Variants in CRYBG1 observed in about 807,000 individuals in gnomAD.
CRYBG1 encodes the protein beta/gamma crystallin domain-containing protein 1.
Under a neutral mutation model 189.2 loss-of-function variants are expected in CRYBG1, and 139 were observed. The ratio of observed to expected loss-of-function variants is 0.73; its 90% CI spans 0.64 to 0.85. The LOEUF (loss-of-function observed/expected upper bound fraction) is 0.85, where lower values mean the gene tolerates loss of function less well. CRYBG1 is among the 40% of genes least tolerant of loss of function. The pLI is 0.00. For synonymous variants in CRYBG1, 1,023 were observed against 1,017.1 expected, an observed-to-expected ratio of 1.01 and a Z score of -0.11; for missense variants, 2,611 against 2,675.8, an observed-to-expected ratio of 0.98 and a Z score of 0.53.
intron 8 of CRYBG1, among the ~76,000 whole-genome samples, chr6:106,538,001 G>C (rs76842459): frequency 0.021 from 3,167 of 152,176 alleles, 112 homozygotes; most frequent in African/African-American, 0.071. Flanking sequence ...AAGAGGGAGG[G>C]GTCAGACCCG....
intron 21 of CRYBG1, among the ~76,000 whole-genome samples, chr6:106,567,918 C>T (rs1026853577): frequency 1.8e-4 from 27 of 152,184 alleles, no homozygotes; most frequent in African/African-American, 6.5e-4. Flanking sequence ...AGTGACAATG[C>T]TACCGCGTCC....
At chr6:106,444,776 G>A (rs115406261) in intron 1 of CRYBG1, among the ~76,000 whole-genome samples, 1,901 of 152,246 alleles carry the variant, frequency 0.012, 33 homozygotes, top group African/African-American at 0.043. Context: ...CACTGGTCAG[G>A]TGTGAGGGGG....
chr6:106,439,658 T>C (rs1240944961), intron 1 of CRYBG1, among the ~76,000 whole-genome samples: 4 of 152,118 alleles, frequency 2.6e-5, no homozygotes, highest in Non-Finnish European at 5.9e-5. Flanking sequence ...GCTTTGTGGT[T>C]TAGTGACTCA....
At chr6:106,489,038 G>A (rs1772656423) in intron 2 of CRYBG1, among the ~76,000 whole-genome samples, 1 of 152,170 alleles carries the variant, frequency 6.6e-6, no homozygotes, top group Admixed American at 6.5e-5. Flanking sequence ...CCTTCCTGCA[G>A]CAATGACTAC....
At chr6:106,391,426 A>G (rs1770499414) in intron 1 of CRYBG1, among the ~76,000 whole-genome samples, 1 of 152,112 alleles carries the variant, frequency 6.6e-6, no homozygotes, top group Non-Finnish European at 1.5e-5. Flanking sequence ...GCTAGTTGAT[A>G]ATGTATCTCA....
At chr6:106,560,286 A>G (rs1278726435) in intron 18 of CRYBG1, among the ~76,000 whole-genome samples, 2 of 152,212 alleles carry the variant, frequency 1.3e-5, no homozygotes, top group African/African-American at 4.8e-5. Flanking sequence ...GGCTGCTTCC[A>G]CGCCAGTCTG....
At chr6:106,418,096 T>TGAGCAAAG (rs1771059454) in intron 1 of CRYBG1, among the ~76,000 whole-genome samples, 1 of 152,118 alleles carries the variant, frequency 6.6e-6, no homozygotes, top group Non-Finnish European at 1.5e-5. Flanking sequence ...AATAAAACAG[T>TGAGCAAAG]GAGCAAAGCA....
At chr6:106,434,706 C>T (rs1283790426) in intron 1 of CRYBG1, among the ~76,000 whole-genome samples, 1 of 152,208 alleles carries the variant, frequency 6.6e-6, no homozygotes, top group East Asian at 1.9e-4. Context: ...ATGGACATGG[C>T]TGTATTACAA....
rs772987179 is a variant in CRYBG1, at chr6:106,512,059, C to G, written c.942C>G (p.Asn314Lys). 2.0e-6 allele frequency: 3 copies of G among 1,533,536 alleles called. No homozygotes were observed. The highest frequency in any genetic ancestry group is 2.6e-6 in the Non-Finnish European group (3 of 1,145,734). 95.0% of individuals were successfully genotyped at this position (1,533,536 alleles called of 1,614,324 possible). The change falls in exon 3 of 22, where the codon AAC becomes AAG. Residue 314 changes from asparagine (N) to lysine (K), a missense_variant. By Grantham distance (94) the Asn-to-Lys change is moderately conservative. This residue lies in a region of CRYBG1 where 985 missense variants were observed against 924.4 expected (regional missense o/e 1.07). Transcript: ENST00000633556. ...CGGGAGGACTAGGCGAGGCCCCTAA[C>G]GGAGCCCCCAGTGTGTGTGCCGAAG... ...RPAGGLGEAP[N>K]GAPSVCAEEG... is the part of the protein sequence containing the mutation.
intron 3 of CRYBG1, among the ~76,000 whole-genome samples, chr6:106,517,629 C>G (rs1366004443): frequency 6.6e-6 from 1 of 151,934 alleles, no homozygotes; most frequent in Non-Finnish European, 1.5e-5. Context: ...CAGCCCCATC[C>G]TCATCCCTAC....
At chr6:106,486,400 G>T (rs1772593195) in intron 2 of CRYBG1, among the ~76,000 whole-genome samples, 1 of 152,128 alleles carries the variant, frequency 6.6e-6, no homozygotes, top group South Asian at 2.1e-4. Flanking sequence ...TCTATGTGTG[G>T]TTGAGAAGAA....
intron 1 of CRYBG1, among the ~76,000 whole-genome samples, chr6:106,423,386 TA>T (rs58609287): frequency 0.12 from 17,751 of 147,220 alleles, 1,081 homozygotes; most frequent in East Asian, 0.15. Context: ...GTCACAGAAT[TA>T]AAAAAAAAAA....
rs868323986 is a variant in CRYBG1 at position 106,481,459 on chromosome 6, G to A, written c.312+29627G>A. Among the ~76,000 whole-genome samples the A allele has an allele frequency of 2.0e-5, 3 of 152,206 alleles. No individual in the cohort carries two copies. The Middle Eastern group carries it at 0.01, about 518-fold the overall frequency. On this transcript the variant is annotated intron_variant, in intron 2 of 21. Transcript: ENST00000633556. Reference sequence around the variant, plus strand: ...CCATGCTGGTCTTCATGGTGACTGAGGTCTCAGCCCTTCCTTTCCCTAATC... The same window carrying A: ...CCATGCTGGTCTTCATGGTGACTGAAGTCTCAGCCCTTCCTTTCCCTAATC...
At chr6:106,413,896 A>G (rs953941720) in intron 1 of CRYBG1, among the ~76,000 whole-genome samples, 2 of 152,238 alleles carry the variant, frequency 1.3e-5, no homozygotes, top group Admixed American at 6.5e-5. Context: ...TAAACTTTAC[A>G]GGCTGTTTTA....
rs1774408877 is a variant in CRYBG1 at position 106,551,706 on chromosome 6, T to C, written c.5313-146T>C. ...TGTCCTATAGACAAACCCATCTGCT[T>C]CTAAAGGTTAATGGAGAATCAGAAA... On this transcript the variant is annotated intron_variant, in intron 13 of 21. Coordinates refer to ENST00000633556, the MANE Select transcript of CRYBG1 (RefSeq NM_001371242.2). 3.5e-6 allele frequency: 3 copies of C among 867,074 alleles called. No individual in the cohort carries two copies. The African/African-American group carries it at 5.1e-5, about 15-fold the overall frequency. 53.7% of individuals were successfully genotyped at this position (867,074 alleles called of 1,614,324 possible).
chr6:106,529,192 C>T (rs62423286), intron 7 of CRYBG1, among the ~76,000 whole-genome samples: 36,702 of 152,054 alleles, frequency 0.24, 4,764 homozygotes, highest in East Asian at 0.46. Flanking sequence ...GTGATCTGCC[C>T]GCCTAGGCCT....
chr6:106,436,303 T>TC (rs1771455283), intron 1 of CRYBG1, among the ~76,000 whole-genome samples: 1 of 31,030 alleles, frequency 3.2e-5, no homozygotes, highest in East Asian at 2.4e-3. Context: ...CTCTTTTTTT[T>TC]TTTTTTTTTT....
chr6:106,367,603 A>G (rs1772030174), intron 1 of CRYBG1, among the ~76,000 whole-genome samples: 1 of 151,240 alleles, frequency 6.6e-6, no homozygotes, highest in Admixed American at 6.6e-5. Flanking sequence ...AAAAAAAAAA[A>G]AATCAAATAC....
At position 106,360,892 on chromosome 6, in the gene CRYBG1, G is replaced by A; in HGVS notation, c.-17G>A. The A allele has an allele frequency of 6.6e-7, 1 of 1,520,684 alleles. No individual in the cohort carries two copies. Among genetic ancestry groups the A allele is most frequent in the Non-Finnish European group, 8.8e-7 (1 of 1,138,934 alleles). The allele number at this position is 1,520,684 out of a possible 1,614,324, so 94.2% of individuals were successfully genotyped here. A position where few individuals can be genotyped will look rare whatever the true frequency, so the allele number is the denominator to read the frequency against. On this transcript the variant is annotated 5_prime_UTR_variant, in exon 1 of 22. Transcript: ENST00000633556. ...AGGACCGCGTCCCGGCAGTCGGAGC[G>A]GGAGGAGGACAAGACGATGCCGCTG...
Sources: allele counts gnomAD v4.1 joint callset (sites outside exome capture counted in the v4.1 genomes callset), GRCh38; gene constraint gnomAD v4.1.1; regional missense constraint gnomAD v4.1.1; transcripts MANE v1.5; gene names NCBI Gene and HGNC (gene_info 2026-07-23, HGNC 2026-07-21).